Variants in GNAO1 observed in about 807,000 individuals in gnomAD.
The protein encoded by GNAO1 is guanine nucleotide-binding protein G(o) subunit alpha.
For missense variants in GNAO1, 166 were observed against 478.7 expected (o/e 0.35, Z 6.10); for synonymous variants, 164 against 180.7 (o/e 0.91, Z 0.74).
chr16:56,201,471 G>T (rs1163937263), intron 2 of GNAO1, among the ~76,000 whole-genome samples: 2 of 152,206 alleles, frequency 1.3e-5, no homozygotes, highest in East Asian at 1.9e-4. Flanking sequence ...TTGTGCTAAG[G>T]ACTTTGGATT....
chr16:56,232,153 T>C (rs2036594680), intron 2 of GNAO1, among the ~76,000 whole-genome samples: 1 of 152,236 alleles, frequency 6.6e-6, no homozygotes, highest in South Asian at 2.1e-4. Flanking sequence ...TGCTCATCTT[T>C]TGATGCATCC....
intron 6 of GNAO1, among the ~76,000 whole-genome samples, chr16:56,343,609 C>T (rs2037828089): frequency 6.6e-6 from 1 of 152,126 alleles, no homozygotes; most frequent in Non-Finnish European, 1.5e-5. Context: ...ATTAACTTTG[C>T]TGACCCCTCA....
At chr16:56,233,841 G>A (rs1260954849) in intron 2 of GNAO1, among the ~76,000 whole-genome samples, 2 of 152,204 alleles carry the variant, frequency 1.3e-5, no homozygotes, top group Non-Finnish European at 2.9e-5. Flanking sequence ...CCCCTTGTCT[G>A]TGGGTTGGCA....
intron 2 of GNAO1, among the ~76,000 whole-genome samples, chr16:56,241,908 T>A (rs550860243): frequency 3.2e-4 from 49 of 152,374 alleles, no homozygotes; most frequent in Middle Eastern, 3.4e-3. Context: ...GAAACTGGCC[T>A]GAGCTGCAAT....
intron 2 of GNAO1, among the ~76,000 whole-genome samples, chr16:56,256,730 G>C (rs903622258): frequency 0.036 from 2,468 of 68,392 alleles, 53 homozygotes; most frequent in African/African-American, 0.097. Flanking sequence ...GTGTGTGTGT[G>C]TGTGTGTGTG....
intron 3 of GNAO1, among the ~76,000 whole-genome samples, chr16:56,284,287 T>C (rs2037143294): frequency 6.6e-6 from 1 of 152,194 alleles, no homozygotes; most frequent in African/African-American, 2.4e-5. Flanking sequence ...TCTGAAATTC[T>C]AGCTCTCCAG....
At chr16:56,216,933 T>A (rs1244743328) in intron 2 of GNAO1, among the ~76,000 whole-genome samples, 1 of 152,216 alleles carries the variant, frequency 6.6e-6, no homozygotes, top group African/African-American at 2.4e-5. Context: ...CCCACAGGAT[T>A]GTAGTAAGGA....
chr16:56,221,412 A>C (rs1171730225), intron 2 of GNAO1, among the ~76,000 whole-genome samples: 1 of 151,974 alleles, frequency 6.6e-6, no homozygotes, highest in Admixed American at 6.6e-5. Flanking sequence ...CACTTTGGGA[A>C]GCCAAAGTGG....
In GNAO1 at chr16:56,191,973, C is replaced by T; in HGVS notation, c.-263C>T. The T allele has an allele frequency of 1.9e-6, 1 of 524,210 alleles. No homozygotes were observed. The highest frequency in any genetic ancestry group is 3.4e-6 in the Non-Finnish European group (1 of 296,620). 32.5% of individuals were successfully genotyped at this position (524,210 alleles called of 1,614,324 possible). ...CCGCGGGCGCCTCCTCCCTTGGCTC[C>T]GGAGCCCCAGACCCCGGCCACCCTC... On this transcript the variant is annotated 5_prime_UTR_variant, in exon 1 of 9. Transcript: ENST00000262493. The surrounding 1 kb of genome is among the most constrained non-coding windows in gnomAD (Gnocchi z 4.7).
chr16:56,240,110 C>T (rs186157763), intron 2 of GNAO1, among the ~76,000 whole-genome samples: 2 of 152,274 alleles, frequency 1.3e-5, no homozygotes, highest in East Asian at 3.9e-4. Context: ...GGTGGGGACA[C>T]AGCCAGCCCC....
At chr16:56,294,747 C>G (rs2143568404) in intron 3 of GNAO1, among the ~76,000 whole-genome samples, 1 of 152,268 alleles carries the variant, frequency 6.6e-6, no homozygotes, top group Admixed American at 6.5e-5. Context: ...TATAAGGATT[C>G]CTGTTGTCCT....
intron 2 of GNAO1, among the ~76,000 whole-genome samples, chr16:56,273,132 T>C (rs1182859411): frequency 2.0e-5 from 3 of 152,232 alleles, no homozygotes; most frequent in Non-Finnish European, 4.4e-5. Flanking sequence ...CTTTCTACAG[T>C]ATAGAGTATA....
At chr16:56,206,001 G>A (rs1348084736) in intron 2 of GNAO1, among the ~76,000 whole-genome samples, 1 of 152,076 alleles carries the variant, frequency 6.6e-6, no homozygotes, top group Non-Finnish European at 1.5e-5. Context: ...CCACAGGGAG[G>A]GAAAAATAGC....
chr16:56,243,813 C>G (rs2036716815), intron 2 of GNAO1, among the ~76,000 whole-genome samples: 1 of 152,110 alleles, frequency 6.6e-6, no homozygotes, highest in African/African-American at 2.4e-5. Context: ...AATTTTATCT[C>G]AGTGAAGCTG....
At chr16:56,286,454 A>G (rs1271789653) in intron 3 of GNAO1, among the ~76,000 whole-genome samples, 1 of 152,174 alleles carries the variant, frequency 6.6e-6, no homozygotes, top group South Asian at 2.1e-4. Context: ...GGGCTTGATC[A>G]GCAGCTCAGG....
intron 6 of GNAO1, among the ~76,000 whole-genome samples, chr16:56,338,439 G>A (rs1378376488): frequency 6.6e-6 from 1 of 152,216 alleles, no homozygotes; most frequent in Non-Finnish European, 1.5e-5. Flanking sequence ...CTGGCCATGT[G>A]CCCCTCACAG....
Position 56,355,067 on chromosome 16 carries a change from A to G in GNAO1, c.*14A>G. 6.3e-7 allele frequency: 1 copy of G among 1,577,524 alleles called. No homozygotes were observed. The highest frequency in any genetic ancestry group is 1.4e-5 in the African/African-American group (1 of 74,002). Reference sequence around the variant, plus strand: ...GGCTTGTACTGACCTCTTGTCCTGTATAGCAACCTATTTGGTAATGATTCC... The same window carrying G: ...GGCTTGTACTGACCTCTTGTCCTGTGTAGCAACCTATTTGGTAATGATTCC... On this transcript the variant is annotated 3_prime_UTR_variant, in exon 8 of 9. Coordinates refer to ENST00000262493, the MANE Select transcript of GNAO1 (RefSeq NM_020988.3).
At chr16:56,216,590 G>A (rs2036438795) in intron 2 of GNAO1, among the ~76,000 whole-genome samples, 1 of 152,204 alleles carries the variant, frequency 6.6e-6, no homozygotes, top group Admixed American at 6.5e-5. Context: ...CCACCTTGGG[G>A]TTTTTTACCC....
At chr16:56,236,110 A>G (rs2036635032) in intron 2 of GNAO1, among the ~76,000 whole-genome samples, 1 of 152,206 alleles carries the variant, frequency 6.6e-6, no homozygotes, top group Admixed American at 6.5e-5. Context: ...ATGTTCTCCC[A>G]TTATTGCTTC....
Sources: allele counts gnomAD v4.1 joint callset (sites outside exome capture counted in the v4.1 genomes callset), GRCh38; gene constraint gnomAD v4.1.1; non-coding constraint Gnocchi (gnomAD v3.1); transcripts MANE v1.5; gene names NCBI Gene and HGNC (gene_info 2026-07-23, HGNC 2026-07-21).